Variants in SLC10A7 observed in about 807,000 individuals in gnomAD.
SLC10A7 encodes solute carrier family 10 member 7, also known as sodium/bile acid cotransporter 7.
A neutral mutation model predicts 43.2 loss-of-function variants in SLC10A7; 29 were observed. The ratio of observed to expected loss-of-function variants is 0.67; its 90% confidence interval spans 0.50 to 0.92. SLC10A7 has a LOEUF of 0.92. Among genes scored for constraint, SLC10A7 ranks in the 40% least tolerant of loss-of-function variants. SLC10A7 has a pLI of 0.00. For synonymous variants in SLC10A7, 152 were observed against 144.8 expected, an observed-to-expected ratio of 1.05 and a Z score of -0.35; for missense variants, 295 against 403.2, an observed-to-expected ratio of 0.73 and a Z score of 2.30.
chr4:146,510,184 A>G, intron 2 of SLC10A7, 135 bp from the exon 3 acceptor site: 1 of 645,454 alleles, frequency 1.5e-6, no homozygotes, highest in Non-Finnish European at 2.5e-6. Flanking sequence ...ATCTATAAGT[A>G]TATGCATACA....
rs191991126 is a variant in SLC10A7, at chr4:146,468,081, T to A, written c.397-25260A>T. On this transcript the variant is annotated intron_variant, in intron 4 of 11. Coordinates refer to ENST00000335472, the MANE Select transcript of SLC10A7 (RefSeq NM_001029998.6). ...CAGACTTAGTTTACCTAGGTCTGAA[T>A]GCAGCTCCATAGCTAGAGAACCTCT... Among the ~76,000 whole-genome samples, 384 of 152,336 alleles carry A rather than the reference T, an allele frequency of 2.5e-3. 3 individuals are homozygous for A. Among genetic ancestry groups the A allele is most frequent in the African/African-American group, 9.0e-3 (375 of 41,594 alleles).
chr4:146,435,763 A>C (rs1337428930), intron 5 of SLC10A7, among the ~76,000 whole-genome samples: 1 of 152,194 alleles, frequency 6.6e-6, no homozygotes, highest in African/African-American at 2.4e-5. Context: ...GGCTGGATTC[A>C]AATTAAGGAA....
At chr4:146,303,858 C>T (rs893298160) in intron 7 of SLC10A7, among the ~76,000 whole-genome samples, 19 of 78,054 alleles carry the variant, frequency 2.4e-4, no homozygotes, top group Admixed American at 4.2e-4. Flanking sequence ...CAACCCTTTA[C>T]GATAGATATT....
intron 5 of SLC10A7, among the ~76,000 whole-genome samples, chr4:146,411,633 C>T (rs1252347383): frequency 2.0e-5 from 3 of 152,018 alleles, no homozygotes; most frequent in Non-Finnish European, 4.4e-5. Flanking sequence ...TACATATAGG[C>T]ACTTGAAAAA....
intron 4 of SLC10A7, among the ~76,000 whole-genome samples, chr4:146,467,093 C>A (rs1456812631): frequency 6.6e-6 from 1 of 152,176 alleles, no homozygotes; most frequent in Non-Finnish European, 1.5e-5. Context: ...GCCGGAATTA[C>A]TTGGCATCTT....
chr4:146,443,696 A>G (rs1364429864), intron 4 of SLC10A7, among the ~76,000 whole-genome samples: 2 of 152,232 alleles, frequency 1.3e-5, no homozygotes, highest in Non-Finnish European at 2.9e-5. Flanking sequence ...TAGTAAAAAG[A>G]GGATGTCAGT....
At chr4:146,317,370 A>G (rs1276251518) in intron 6 of SLC10A7, among the ~76,000 whole-genome samples, 2 of 152,094 alleles carry the variant, frequency 1.3e-5, no homozygotes, top group Non-Finnish European at 2.9e-5. Flanking sequence ...TAAAACAGAT[A>G]AAGTCCCTGC....
intron 5 of SLC10A7, among the ~76,000 whole-genome samples, chr4:146,326,973 AAG>A (rs33979046): frequency 0.75 from 111,540 of 149,230 alleles, 42,379 homozygotes; most frequent in African/African-American, 0.89. Flanking sequence ...CACACAGAAA[AAG>A]AGAGAGAGAG....
At chr4:146,486,223 C>A (rs4835039) in intron 4 of SLC10A7, among the ~76,000 whole-genome samples, 111,135 of 152,132 alleles carry the variant, frequency 0.73, 40,958 homozygotes, top group East Asian at 0.84. Context: ...CTCTTGAGAG[C>A]AATGATTAAT....
chr4:146,446,538 T>C lies in SLC10A7; in HGVS notation c.397-3717A>G, dbSNP rs545767263. Among the ~76,000 whole-genome samples, 4 of 148,678 alleles carry C rather than the reference T, an allele frequency of 2.7e-5. No homozygotes were observed. The East Asian group carries it at 7.9e-4, about 29-fold the overall frequency. ...TTGCAGTGAGTCGAGATTGTACCAC[T>C]GCATTCCAGCCCGGGTGACGGAGCA... On this transcript the variant is annotated intron_variant, in intron 4 of 11. Transcript: ENST00000335472.
In SLC10A7 at chr4:146,448,617, C is replaced by A. The variant is rs78760438; in HGVS notation, c.397-5796G>T. ...TACATTGAGTATGAATAATTTATGG[C>A]AAGTTAATGTATTAAACTTCTAGCT... is the stretch of plus-strand genomic sequence containing the variant. On this transcript the variant is annotated intron_variant, in intron 4 of 11. Transcript: ENST00000335472. Among the ~76,000 whole-genome samples, 34 of 152,224 alleles carry A rather than the reference C, an allele frequency of 2.2e-4. No individual in the cohort carries two copies. The East Asian group carries it at 3.9e-3, about 17-fold the overall frequency.
At chr4:146,268,436 T>C (rs1728696426) in intron 10 of SLC10A7, among the ~76,000 whole-genome samples, 1 of 152,144 alleles carries the variant, frequency 6.6e-6, no homozygotes, top group Admixed American at 6.6e-5. Flanking sequence ...CTAAGACCTT[T>C]AGAAAAAAGA....
chr4:146,483,239 A>T (rs1197133528), intron 4 of SLC10A7, among the ~76,000 whole-genome samples: 2 of 152,230 alleles, frequency 1.3e-5, no homozygotes, highest in African/African-American at 4.8e-5. Context: ...TATTTCTAGT[A>T]TGAAGGTTAA....
At chr4:146,491,994 G>C (rs1184759408) in intron 4 of SLC10A7, among the ~76,000 whole-genome samples, 2 of 152,056 alleles carry the variant, frequency 1.3e-5, no homozygotes, top group Non-Finnish European at 2.9e-5. Context: ...GAGGCGGGCG[G>C]ATCACGAGGT....
chr4:146,428,074 G>A (rs1472543451), intron 5 of SLC10A7, among the ~76,000 whole-genome samples: 1 of 152,096 alleles, frequency 6.6e-6, no homozygotes, highest in Non-Finnish European at 1.5e-5. Context: ...CTACTTGAGA[G>A]GCTGAGGTGA....
At position 146,492,466 on chromosome 4, in the gene SLC10A7, C is replaced by A. The variant is rs1436635708; in HGVS notation, c.396+11383G>T. On this transcript the variant is annotated intron_variant, in intron 4 of 11. Transcript: ENST00000335472. The stretch of plus-strand genomic sequence containing the variant: ...CACTACAACCTCCACCTGCCAGGCA[C>A]AAACGACCCTCCCACTTCAAGCTCC... 4.6e-5 allele frequency among the ~76,000 whole-genome samples: 7 copies of A among 152,200 alleles called. No individual in the cohort carries two copies. The East Asian group carries it at 1.4e-3, about 30-fold the overall frequency.
intron 4 of SLC10A7, among the ~76,000 whole-genome samples, chr4:146,502,087 G>A: frequency 6.6e-6 from 1 of 152,124 alleles, no homozygotes; most frequent in African/African-American, 2.4e-5. Flanking sequence ...TTTAAAAAAT[G>A]AGCAAGAGAG....
At chr4:146,505,515 C>T (rs1009786388) in intron 3 of SLC10A7, among the ~76,000 whole-genome samples, 1 of 152,140 alleles carries the variant, frequency 6.6e-6, no homozygotes, top group Admixed American at 6.6e-5. Flanking sequence ...CACCTCTAAG[C>T]CTCACAGTGT....
intron 10 of SLC10A7, among the ~76,000 whole-genome samples, chr4:146,274,921 A>T (rs1301693751): frequency 6.6e-6 from 1 of 152,212 alleles, no homozygotes; most frequent in Non-Finnish European, 1.5e-5. Context: ...CCCAGAGTTG[A>T]CTGAAACTGG....
Sources: gnomAD v4.1 joint callset for allele counts (sites outside exome capture counted in the v4.1 genomes callset) on GRCh38, gnomAD v4.1.1 for gene constraint, MANE v1.5 for transcripts, NCBI Gene and HGNC (gene_info 2026-07-23, HGNC 2026-07-21) for gene names.